The following GRID1 variants were observed in gnomAD, a reference collection of about 807,000 sequenced individuals.
GRID1 encodes the protein glutamate ionotropic receptor delta type subunit 1.
GRID1 carries 28 observed loss-of-function variants against 98.0 expected under a neutral mutation model. The observed-to-expected ratio is 0.29, with a 90% confidence interval of 0.21 to 0.39. The LOEUF is 0.39. Among genes scored for constraint, GRID1 ranks in the 10% least tolerant of loss-of-function variants. GRID1 has a pLI of 1.00. For missense variants in GRID1, 1,111 were observed against 1,340.5 expected (o/e 0.83, Z 2.67); for synonymous variants, 553 against 538.5 (o/e 1.03, Z -0.37).
chr10:85,886,581 T>A (rs569673148), intron 5 of GRID1, among the ~76,000 whole-genome samples: 2 of 152,176 alleles, frequency 1.3e-5, no homozygotes, highest in Non-Finnish European at 2.9e-5. Flanking sequence ...GTGTTTGTTA[T>A]ATTACTCTCT....
chr10:86,130,705 T>A (rs1320561347), intron 4 of GRID1, among the ~76,000 whole-genome samples: 1 of 152,154 alleles, frequency 6.6e-6, no homozygotes, highest in Non-Finnish European at 1.5e-5. Context: ...GCATTTACCA[T>A]CCTTTAACTT....
chr10:85,837,987 G>A (rs1316656573), intron 8 of GRID1, among the ~76,000 whole-genome samples: 1 of 152,076 alleles, frequency 6.6e-6, no homozygotes, highest in Non-Finnish European at 1.5e-5. Flanking sequence ...TTATAGAGCT[G>A]AAAAAACACT....
At chr10:85,637,108 T>C (rs1206732118) in intron 13 of GRID1, among the ~76,000 whole-genome samples, 1 of 152,224 alleles carries the variant, frequency 6.6e-6, no homozygotes, top group African/African-American at 2.4e-5. Context: ...ATCTTTTTTA[T>C]AAAGTTTTAC....
intron 4 of GRID1, among the ~76,000 whole-genome samples, chr10:86,091,902 G>A (rs528787481): frequency 5.8e-4 from 89 of 152,256 alleles, no homozygotes; most frequent in African/African-American, 1.8e-3. Flanking sequence ...ACTGTAGTTC[G>A]GCTCACAGGA....
chr10:86,002,215 C>G (rs371872767), intron 4 of GRID1, among the ~76,000 whole-genome samples: 2 of 152,170 alleles, frequency 1.3e-5, no homozygotes, highest in Non-Finnish European at 2.9e-5. Context: ...TGAGGTGATA[C>G]AATTCAACCT....
At position 85,604,431 on chromosome 10, in the gene GRID1, C is replaced by A. The variant is rs552413372; in HGVS notation, c.2602-1730G>T. 7.5e-4 allele frequency among the ~76,000 whole-genome samples: 114 copies of A among 152,214 alleles called. 1 individual carries two copies. Among genetic ancestry groups the A allele is most frequent in the African/African-American group, 2.6e-3 (109 of 41,536 alleles). ...TCATAGGTGAAAATGACATCAGAAA[C>A]CATTGGCACAGCCTCACAGGCACAG... On this transcript the variant is annotated intron_variant, in intron 15 of 15. Coordinates refer to ENST00000327946, the MANE Select transcript of GRID1 (RefSeq NM_017551.3).
At chr10:85,969,801 A>G (rs915458813) in intron 4 of GRID1, among the ~76,000 whole-genome samples, 21 of 152,160 alleles carry the variant, frequency 1.4e-4, no homozygotes, top group African/African-American at 5.1e-4. Context: ...GATAAAGAGC[A>G]AACTAACACC....
chr10:85,968,450 C>CAA (rs56938729), intron 4 of GRID1, among the ~76,000 whole-genome samples: 8,504 of 102,138 alleles, frequency 0.083, 417 homozygotes, highest in Middle Eastern at 0.12. Context: ...GACTCTGTCT[C>CAA]AAAAAAAAAA....
At chr10:85,821,542 A>AAGCAAAC (rs1842772698) in intron 8 of GRID1, among the ~76,000 whole-genome samples, 1 of 150,024 alleles carries the variant, frequency 6.7e-6, no homozygotes, top group Non-Finnish European at 1.5e-5. Flanking sequence ...AAAAAAAAAA[A>AAGCAAAC]AAAGAAAACA....
At chr10:85,958,956 T>TAAA (rs1171482073) in intron 4 of GRID1, among the ~76,000 whole-genome samples, 1 of 103,948 alleles carries the variant, frequency 9.6e-6, no homozygotes, top group African/African-American at 4.1e-5. Flanking sequence ...AAACTCCGTC[T>TAAA]CAAAAAAAAA....
chr10:85,747,878 G>C lies in GRID1; in HGVS notation c.1234-18264C>G, dbSNP rs75668797. ...ATAGTCCGTAATCAGAAGGTGAATA[G>C]TACTTGCTTTCAGTACCAGTAAGTC... On this transcript the variant is annotated intron_variant, in intron 8 of 15. Transcript: ENST00000327946. 1.2e-3 allele frequency among the ~76,000 whole-genome samples: 181 copies of C among 152,290 alleles called. 1 individual carries two copies. Among genetic ancestry groups the C allele is most frequent in the African/African-American group, 4.2e-3 (175 of 41,560 alleles).
At chr10:86,134,898 G>A (rs1844893031) in intron 4 of GRID1, among the ~76,000 whole-genome samples, 1 of 152,174 alleles carries the variant, frequency 6.6e-6, no homozygotes, top group South Asian at 2.1e-4. Context: ...ACAGGTAAAA[G>A]GGTCTGTTCA....
At chr10:86,119,697 G>C (rs573982479) in intron 4 of GRID1, among the ~76,000 whole-genome samples, 8 of 152,154 alleles carry the variant, frequency 5.3e-5, no homozygotes, top group Non-Finnish European at 1.2e-4. Flanking sequence ...ATCCCATCTA[G>C]GGCATCCTGT....
intron 4 of GRID1, among the ~76,000 whole-genome samples, chr10:85,926,687 A>C (rs1841779005): frequency 6.6e-6 from 1 of 152,204 alleles, no homozygotes; most frequent in Admixed American, 6.5e-5. Flanking sequence ...CCCCACCCAC[A>C]GAATGACATG....
At chr10:85,881,927 GA>G (rs1269820957) in intron 5 of GRID1, among the ~76,000 whole-genome samples, 2 of 151,888 alleles carry the variant, frequency 1.3e-5, no homozygotes, top group East Asian at 3.9e-4. Context: ...AAATTTACAA[GA>G]AAAAAACAAA....
chr10:85,784,182 G>T (rs2949386), intron 8 of GRID1, among the ~76,000 whole-genome samples: 64,781 of 152,082 alleles, frequency 0.43, 14,650 homozygotes, highest in East Asian at 0.72. Flanking sequence ...TATTTTGAGG[G>T]TCTAAACAGG....
chr10:86,244,326 C>A (rs1217317074), intron 2 of GRID1, among the ~76,000 whole-genome samples: 1 of 152,198 alleles, frequency 6.6e-6, no homozygotes, highest in Admixed American at 6.5e-5. Flanking sequence ...GTCCTGGACA[C>A]AGATTCAGCA....
At chr10:86,127,107 G>A (rs1412703018) in intron 4 of GRID1, among the ~76,000 whole-genome samples, 2 of 152,240 alleles carry the variant, frequency 1.3e-5, no homozygotes, top group African/African-American at 4.8e-5. Context: ...AGAAGGGGCA[G>A]CTATGCGGCC....
chr10:86,272,208 C>T (rs114533785), intron 2 of GRID1, among the ~76,000 whole-genome samples: 3,544 of 152,086 alleles, frequency 0.023, 47 homozygotes, highest in Middle Eastern at 0.051. Flanking sequence ...TGGAGGAGAA[C>T]GGCAGAGTAG....
Sources: gnomAD v4.1 joint callset for allele counts (sites outside exome capture counted in the v4.1 genomes callset) on GRCh38, gnomAD v4.1.1 for gene constraint, MANE v1.5 for transcripts, NCBI Gene and HGNC (gene_info 2026-07-23, HGNC 2026-07-21) for gene names.